Variants in CACNB2 observed in about 807,000 individuals in gnomAD.
CACNB2 encodes the protein voltage-dependent L-type calcium channel subunit beta-2.
A neutral mutation model predicts 73.3 loss-of-function variants in CACNB2; 42 were observed. The observed-to-expected ratio is 0.57, with a 90% CI of 0.45 to 0.74. The LOEUF is 0.74. Ranked by LOEUF, CACNB2 falls within the 30% of genes least tolerant of loss-of-function variation. The probability of loss-of-function intolerance (pLI) is 0.00; values close to 1 mark genes in which losing one functional copy is unlikely to be tolerated. For synonymous variants in CACNB2, 348 were observed against 310.3 expected, an observed-to-expected ratio of 1.12 and a Z score of -1.28; for missense variants, 940 against 853.0, an observed-to-expected ratio of 1.10 and a Z score of -1.27.
rs780368829 is a variant in CACNB2, at chr10:18,140,740, G to T, written c.4G>T (p.Val2Phe). 6 of 1,593,592 alleles carry T rather than the reference G, an allele frequency of 3.8e-6. No homozygotes were observed. The highest frequency in any genetic ancestry group is 5.1e-6 in the Non-Finnish European group (6 of 1,171,656). The change falls in exon 1 of 14, where the codon GTC (valine) becomes TTC (phenylalanine). Residue 2 changes from valine (V) to phenylalanine (F), a missense_variant. Transcript: ENST00000324631. M[V>F]QRDMSKSPPT... ...GCTCCGAGCCGACTTTTCGCCAATGGTCCAAAGGGACATGTCCAAGTCGCC... is the reference window on the plus strand; with the variant it reads ...GCTCCGAGCCGACTTTTCGCCAATGTTCCAAAGGGACATGTCCAAGTCGCC...
chr10:18,416,339 C>A (rs1317294030), intron 3 of CACNB2, among the ~76,000 whole-genome samples: 1 of 152,226 alleles, frequency 6.6e-6, no homozygotes, highest in East Asian at 1.9e-4. Context: ...GACCACATTT[C>A]TTTATCCATT....
chr10:18,325,889 C>T lies in CACNB2; in HGVS notation c.214-76035C>T, dbSNP rs115270894. On this transcript the variant is annotated intron_variant, in intron 2 of 13. Transcript: ENST00000324631. ...CCTCCTGAGTAGCTGGGACCAGAGG[C>T]GCACACCACCATGCTCAGCTCATTT... Among the ~76,000 whole-genome samples, 278 of 152,036 alleles carry T rather than the reference C, an allele frequency of 1.8e-3. 3 individuals are homozygous for T. Among genetic ancestry groups the T allele is most frequent in the African/African-American group, 6.3e-3 (263 of 41,476 alleles).
At chr10:18,198,347 C>G (rs2034720069) in intron 2 of CACNB2, among the ~76,000 whole-genome samples, 1 of 151,902 alleles carries the variant, frequency 6.6e-6, no homozygotes, top group East Asian at 1.9e-4. Flanking sequence ...ATATGTAAAG[C>G]TCATACCGGG....
chr10:18,342,725 C>T (rs552905991), intron 2 of CACNB2, among the ~76,000 whole-genome samples: 2 of 152,042 alleles, frequency 1.3e-5, no homozygotes, highest in East Asian at 3.8e-4. Context: ...TATAACCATT[C>T]AACACTTTAA....
At chr10:18,163,671 A>G (rs113684261) in intron 2 of CACNB2, among the ~76,000 whole-genome samples, 2 of 152,350 alleles carry the variant, frequency 1.3e-5, no homozygotes, top group African/African-American at 4.8e-5. Flanking sequence ...CAGAAAGGTT[A>G]TATAGGTGTT....
chr10:18,502,715 A>G (rs78492593), intron 5 of CACNB2, among the ~76,000 whole-genome samples: 1 of 144,498 alleles, frequency 6.9e-6, no homozygotes, highest in Non-Finnish European at 1.5e-5. Flanking sequence ...AAAAAAAAAA[A>G]AAAAAAAAAC....
chr10:18,321,680 C>CT (rs893505678), intron 2 of CACNB2, among the ~76,000 whole-genome samples: 10 of 151,656 alleles, frequency 6.6e-5, no homozygotes, highest in African/African-American at 1.2e-4. Flanking sequence ...TACTCACAAA[C>CT]TTTTTTTTTA....
intron 3 of CACNB2, among the ~76,000 whole-genome samples, chr10:18,443,683 G>C (rs761074529): frequency 6.6e-6 from 1 of 151,816 alleles, no homozygotes; most frequent in Non-Finnish European, 1.5e-5. Flanking sequence ...TCCAGGTGCA[G>C]GGAATGAACC....
intron 2 of CACNB2, among the ~76,000 whole-genome samples, chr10:18,226,316 C>T (rs947366172): frequency 2.6e-5 from 4 of 152,154 alleles, no homozygotes; most frequent in East Asian, 1.9e-4. Context: ...TGTGAGCCAC[C>T]GCCCCCAGAC....
At chr10:18,411,222 C>G (rs542648700) in intron 3 of CACNB2, among the ~76,000 whole-genome samples, 1 of 151,842 alleles carries the variant, frequency 6.6e-6, no homozygotes, top group African/African-American at 2.4e-5. Flanking sequence ...GTTTATTGTT[C>G]AAATACGCAT....
chr10:18,185,647 C>T (rs142295755), intron 2 of CACNB2, among the ~76,000 whole-genome samples: 1 of 152,180 alleles, frequency 6.6e-6, no homozygotes. Context: ...AATGAAAATA[C>T]ATCTTTTACC....
intron 2 of CACNB2, among the ~76,000 whole-genome samples, chr10:18,278,743 G>A (rs1018958464): frequency 3.9e-5 from 6 of 151,936 alleles, no homozygotes; most frequent in Non-Finnish European, 5.9e-5. Flanking sequence ...CTTCTAGGGC[G>A]CAGTGACCAC....
rs10637329 is a variant in CACNB2 at position 18,386,399 on chromosome 10, A to ATTTTTT, written c.214-15509_214-15504dup. 2.2e-3 allele frequency among the ~76,000 whole-genome samples: 230 copies of ATTTTTT among 106,504 alleles called. 2 individuals carry two copies. Among genetic ancestry groups the ATTTTTT allele is most frequent in the Non-Finnish European group, 2.6e-3 (144 of 56,062 alleles). The allele number at this position is 106,504 out of a possible 152,430, so 69.9% of individuals were successfully genotyped here. On this transcript the variant is annotated intron_variant, in intron 2 of 13. Transcript: ENST00000324631. Reference sequence around the variant, plus strand: ...CTTTACTGTTGCTCTTTTATTTATGATTTTTTTTTTTTTTTTTTTTTGAGA... The same window carrying ATTTTTT: ...CTTTACTGTTGCTCTTTTATTTATGATTTTTTTTTTTTTTTTTTTTTTTTTTTGAGA...
At chr10:18,239,716 T>G (rs925470063) in intron 2 of CACNB2, among the ~76,000 whole-genome samples, 1 of 152,214 alleles carries the variant, frequency 6.6e-6, no homozygotes, top group Non-Finnish European at 1.5e-5. Context: ...AATTAAGTTT[T>G]GAAGAATTGA....
chr10:18,261,588 A>T (rs1367341870), intron 2 of CACNB2, among the ~76,000 whole-genome samples: 1 of 152,166 alleles, frequency 6.6e-6, no homozygotes, highest in Non-Finnish European at 1.5e-5. Context: ...TGAGAAGTCC[A>T]TTGTCTCAGA....
intron 2 of CACNB2, chr10:18,181,935 TA>T (rs2033908624): frequency 6.6e-6 from 1 of 152,178 alleles, no homozygotes; most frequent in South Asian, 2.1e-4. Context: ...AGGTCAACTT[TA>T]AACAGCTTCC....
intron 2 of CACNB2, among the ~76,000 whole-genome samples, chr10:18,353,585 T>C (rs951318043): frequency 1.2e-4 from 19 of 152,154 alleles, no homozygotes; most frequent in African/African-American, 4.6e-4. Flanking sequence ...CAGTATAAGG[T>C]ACACATCAAA....
At chr10:18,199,983 GTC>G (rs1554768678) in intron 2 of CACNB2, among the ~76,000 whole-genome samples, 126 of 138,290 alleles carry the variant, frequency 9.1e-4, no homozygotes, top group African/African-American at 3.9e-3. Context: ...GTGTGTGTGT[GTC>G]TGTATTGTTG....
intron 2 of CACNB2, among the ~76,000 whole-genome samples, chr10:18,368,024 G>A (rs7901640): frequency 0.41 from 61,712 of 151,840 alleles, 12,754 homozygotes; most frequent in East Asian, 0.69. Flanking sequence ...TGGGGGTACA[G>A]TAGAATGAGA....
Sources: gnomAD v4.1 joint callset for allele counts (sites outside exome capture counted in the v4.1 genomes callset) on GRCh38, gnomAD v4.1.1 for gene constraint, MANE v1.5 for transcripts, NCBI Gene and HGNC (gene_info 2026-07-23, HGNC 2026-07-21) for gene names.